SLU7: variants seen among roughly 807,000 people sequenced by gnomAD.
The protein encoded by SLU7 is pre-mRNA-splicing factor SLU7.
A neutral mutation model predicts 87.0 loss-of-function variants in SLU7; 60 were observed. That is an observed-to-expected ratio of 0.69 (90% CI 0.56 to 0.86). The LOEUF (loss-of-function observed/expected upper bound fraction) is 0.86. SLU7 is among the 40% of genes least tolerant of loss of function. The pLI is 0.00. For missense variants in SLU7, 507 were observed against 686.6 expected (o/e 0.74, Z 2.92); for synonymous variants, 197 against 222.0 (o/e 0.89, Z 1.00).
rs1189245949 is a variant in SLU7 at position 160,402,546 on chromosome 5, G to C, written c.*739C>G. 2 of 152,094 alleles carry C rather than the reference G, an allele frequency of 1.3e-5. No homozygotes were observed. The highest frequency in any genetic ancestry group is 2.4e-5 in the African/African-American group (1 of 41,394). 9.4% of individuals were successfully genotyped at this position (152,094 alleles called of 1,614,324 possible). A position where few individuals can be genotyped will look rare whatever the true frequency, so the allele number is the denominator to read the frequency against. Reference sequence around the variant, plus strand: ...AAAAATAAAAATAAATGTAGTCACAGAGTTGCTAGTAATTATTTAAAAAAA... The same window carrying C: ...AAAAATAAAAATAAATGTAGTCACACAGTTGCTAGTAATTATTTAAAAAAA... On this transcript the variant is annotated 3_prime_UTR_variant, in exon 16 of 16. Coordinates refer to ENST00000297151, the MANE Select transcript of SLU7 (RefSeq NM_006425.5).
At chr5:160,410,890 G>A (rs1489103128) in intron 6 of SLU7, among the ~76,000 whole-genome samples, 7 of 144,828 alleles carry the variant, frequency 4.8e-5, no homozygotes, top group Admixed American at 1.4e-4. Context: ...TTTTTGAGAC[G>A]GAGTCTCACT....
At chr5:160,413,392 T>G in intron 5 of SLU7, 64 bp downstream of exon 5, 1 of 1,443,388 alleles carries the variant, frequency 6.9e-7, no homozygotes. Flanking sequence ...AAAGTAGAGC[T>G]GCTAGAGATA....
Position 160,407,842 on chromosome 5 carries a change from A to C in SLU7, c.918-29T>G. 1 of 1,579,794 alleles carries C rather than the reference A, an allele frequency of 6.3e-7. No homozygotes were observed. On this transcript the variant is annotated intron_variant, in intron 9 of 15. Coordinates refer to ENST00000297151, the MANE Select transcript of SLU7 (RefSeq NM_006425.5). The surrounding 1 kb of genome is among the most constrained non-coding windows in gnomAD (Gnocchi z 4.2). ...TAAATACAAATAAAGAAAATGTTTCAGAGATTGATTTAAGGAAAATTAATT... is the reference window on the plus strand; with the variant it reads ...TAAATACAAATAAAGAAAATGTTTCCGAGATTGATTTAAGGAAAATTAATT...
chr5:160,413,190 A>G (rs1765311940), intron 5 of SLU7, among the ~76,000 whole-genome samples: 1 of 152,216 alleles, frequency 6.6e-6, no homozygotes, highest in African/African-American at 2.4e-5. Flanking sequence ...ATCTGTCTTC[A>G]TGCTTCCAAT....
Position 160,407,541 on chromosome 5 carries a change from A to C in SLU7, c.1060T>G (p.Tyr354Asp). ...QADPTKLELL[Y>D]KSFKVKKEDF... ...TCTTTTTTGACTTTGAAGGACTTAT[A>C]CAACAGCTCTAGCTTTGTAGGATCT... Residue 354 changes from tyrosine (Y) to aspartate (D), a missense_variant, in exon 11 of 16, where the codon TAT (tyrosine) becomes GAT (aspartate). By Grantham distance (160) the Tyr-to-Asp change is radical. Coordinates refer to ENST00000297151, the MANE Select transcript of SLU7 (RefSeq NM_006425.5). The surrounding 1 kb of genome is among the most constrained non-coding windows in gnomAD (Gnocchi z 4.2). 1.2e-6 allele frequency: 2 copies of C among 1,613,702 alleles called. No homozygotes were observed. The highest frequency in any genetic ancestry group is 1.7e-6 in the Non-Finnish European group (2 of 1,179,800).
intron 6 of SLU7, among the ~76,000 whole-genome samples, chr5:160,411,867 T>C (rs1345676850): frequency 6.6e-6 from 1 of 152,154 alleles, no homozygotes; most frequent in Admixed American, 6.5e-5. Flanking sequence ...ATATTCATTG[T>C]GGGAAATGCA....
chr5:160,411,317 T>C (rs1765226459), intron 6 of SLU7, among the ~76,000 whole-genome samples: 1 of 152,104 alleles, frequency 6.6e-6, no homozygotes, highest in Non-Finnish European at 1.5e-5. Context: ...CTGCAACCTC[T>C]GCCTCCTGGG....
intron 1 of SLU7, 132 bp from the exon 2 acceptor site, chr5:160,415,442 T>A: frequency 1.7e-6 from 1 of 571,922 alleles, no homozygotes; most frequent in Non-Finnish European, 2.8e-6. Flanking sequence ...TAAGGAAGGG[T>A]CTCTTCCCCC....
chr5:160,414,020 C>A, intron 3 of SLU7, 41 bp from the exon 4 acceptor site: 1 of 1,224,530 alleles, frequency 8.2e-7, no homozygotes, highest in African/African-American at 1.6e-5. Flanking sequence ...GTCTTAACCA[C>A]GTAAGTTAGA....
chr5:160,412,863 C>G (rs943432112), intron 5 of SLU7, among the ~76,000 whole-genome samples: 1 of 151,524 alleles, frequency 6.6e-6, no homozygotes, highest in Admixed American at 6.6e-5. Context: ...CGTGGGGTTA[C>G]CATATATTAC....
In SLU7 at chr5:160,404,796, A is replaced by G. The variant is rs2961940; in HGVS notation, c.1464+13T>C. 533,797 of 1,576,044 alleles carry G rather than the reference A, an allele frequency of 0.34. 93,189 individuals carry two copies. Among genetic ancestry groups the G allele is most frequent in the Admixed American group, 0.42 (24,897 of 59,848 alleles). ...AGGACTTAAAAATTCAGGACAAATGATTATCAACTTACCTCCATGAGGGTT... is the reference window on the plus strand; with the variant it reads ...AGGACTTAAAAATTCAGGACAAATGGTTATCAACTTACCTCCATGAGGGTT... On this transcript the variant is annotated intron_variant, in intron 14 of 15. Transcript: ENST00000297151.
At chr5:160,406,326 A>G in intron 12 of SLU7, 142 bp downstream of exon 12, 17 of 653,580 alleles carry the variant, frequency 2.6e-5, no homozygotes, top group Non-Finnish European at 4.0e-5. Flanking sequence ...TATTTTTGAA[A>G]AAATTCCATG....
intron 15 of SLU7, 61 bp downstream of exon 15, chr5:160,404,378 CA>C: frequency 9.1e-7 from 1 of 1,095,270 alleles, no homozygotes; most frequent in Non-Finnish European, 1.4e-6. Context: ...AAAATAAAAA[CA>C]ACCCAAAAAA....
At chr5:160,416,242 T>C (rs1179549400) in intron 1 of SLU7, among the ~76,000 whole-genome samples, 1 of 152,122 alleles carries the variant, frequency 6.6e-6, no homozygotes, top group Non-Finnish European at 1.5e-5. Flanking sequence ...TGCCCAGTTA[T>C]TTAATGTTGG....
At chr5:160,403,531 G>T in intron 15 of SLU7, 67 bp from the exon 16 acceptor site, 1 of 1,393,934 alleles carries the variant, frequency 7.2e-7, no homozygotes. Context: ...AAAAGTGGCA[G>T]AGTACCAACA....
intron 6 of SLU7, among the ~76,000 whole-genome samples, chr5:160,409,201 T>C (rs1765134725): frequency 6.6e-6 from 1 of 152,158 alleles, no homozygotes; most frequent in South Asian, 2.1e-4. Context: ...ACTGGGTTCA[T>C]GTCTTCACAG....
In SLU7 at chr5:160,406,541, G is replaced by C. The variant is rs142542308; in HGVS notation, c.1214C>G (p.Thr405Arg). The C allele has an allele frequency of 2.4e-4, 395 of 1,613,698 alleles. No individual in the cohort carries two copies. Among genetic ancestry groups the C allele is most frequent in the Middle Eastern group, 1.8e-3 (11 of 6,060 alleles). ...AGCCCGCTCCTGTCCTTTGATGACT[G>C]TCCCATGTCTTGAGTACTCCACATA... Reference protein sequence around the residue: ...EDYVEYSRHGTVIKGQERAVA... With the variant: ...EDYVEYSRHGRVIKGQERAVA... Residue 405 changes from threonine (T) to arginine (R), a missense_variant, in exon 12 of 16, where the codon ACA becomes AGA. Physicochemically the swap from Thr to Arg is moderately conservative, Grantham distance 71. This residue lies in a region of SLU7 where 43 missense variants were observed against 58.4 expected (regional missense o/e 0.74). Transcript: ENST00000297151.
At position 160,404,500 on chromosome 5, in the gene SLU7, C is replaced by G; in HGVS notation, c.1521G>C (p.Lys507Asn). The G allele has an allele frequency of 6.2e-7, 1 of 1,611,864 alleles. No homozygotes were observed. Among genetic ancestry groups the G allele is most frequent in the Non-Finnish European group, 8.5e-7 (1 of 1,178,978 alleles). The change falls in exon 15 of 16, where the codon AAG becomes AAC. Residue 507 changes from lysine (K) to asparagine (N), a missense_variant. This residue lies in a region of SLU7 where 201 missense variants were observed against 213.4 expected (regional missense o/e 0.94). Transcript: ENST00000297151. ...EKKKKKKKKK[K>N]HRKSSSDSDD... ...CACTATCTGAACTGCTCTTTCGATG[C>G]TTCTTCTTTTTCTTTTTCTTCTTCT...
intron 6 of SLU7, among the ~76,000 whole-genome samples, chr5:160,410,202 T>C (rs1405812259): frequency 6.6e-6 from 1 of 152,220 alleles, no homozygotes; most frequent in African/African-American, 2.4e-5. Context: ...CTTCAAAATG[T>C]TCACAATTAA....
Sources: allele counts gnomAD v4.1 joint callset (sites outside exome capture counted in the v4.1 genomes callset), GRCh38; gene constraint gnomAD v4.1.1; regional missense constraint gnomAD v4.1.1; non-coding constraint Gnocchi (gnomAD v3.1); transcripts MANE v1.5; gene names NCBI Gene and HGNC (gene_info 2026-07-23, HGNC 2026-07-21).